GOT2: variants seen among roughly 807,000 people sequenced by gnomAD.
GOT2 encodes the protein glutamic-oxaloacetic transaminase 2.
A neutral mutation model predicts 50.0 loss-of-function variants in GOT2; 17 were observed. The observed-to-expected ratio is 0.34, with a 90% CI of 0.23 to 0.51. GOT2 has a LOEUF of 0.51. Among genes scored for constraint, GOT2 ranks in the 20% least tolerant of loss-of-function variants. GOT2 has a pLI of 0.97. For synonymous variants in GOT2, 172 were observed against 204.9 expected, an observed-to-expected ratio of 0.84 and a Z score of 1.37; for missense variants, 430 against 559.6, an observed-to-expected ratio of 0.77 and a Z score of 2.34.
At chr16:58,732,818 C>A (rs949345917) in intron 1 of GOT2, among the ~76,000 whole-genome samples, 1 of 152,220 alleles carries the variant, frequency 6.6e-6, no homozygotes, top group South Asian at 2.1e-4. Context: ...TTTCTCTTGA[C>A]GGAAATTTTA....
chr16:58,726,303 A>C (rs550322183), intron 1 of GOT2, among the ~76,000 whole-genome samples: 12 of 152,084 alleles, frequency 7.9e-5, no homozygotes, highest in African/African-American at 2.9e-4. Context: ...CTCCTGCCTC[A>C]GCCTCCCAAG....
At chr16:58,710,558 G>A (rs1435753119) in intron 8 of GOT2, among the ~76,000 whole-genome samples, 69 of 151,962 alleles carry the variant, frequency 4.5e-4, no homozygotes, top group Admixed American at 4.5e-3. Context: ...AGGCTTATTG[G>A]GATGTAACCC....
intron 6 of GOT2, among the ~76,000 whole-genome samples, chr16:58,717,835 C>A (rs1446558400): frequency 6.6e-6 from 1 of 152,180 alleles, no homozygotes; most frequent in Non-Finnish European, 1.5e-5. Flanking sequence ...GGATTACAGG[C>A]ATGGGCCACT....
Position 58,718,550 on chromosome 16 carries a change from T to G in GOT2, c.574A>C (p.Thr192Pro), listed in dbSNP as rs969224581. ...ACTGAAATATCCTCCACAGCGCCTG[T>G]GAAGTCAAAACCGCAAGTCTTGGGG... Reference protein sequence around the residue: ...YDPKTCGFDFTGAVEDISKIP... With the variant: ...YDPKTCGFDFPGAVEDISKIP... The change falls in exon 5 of 10, where the codon ACA becomes CCA. Residue 192 changes from threonine to proline, a missense_variant. By Grantham distance (38) the Thr-to-Pro change is conservative (BLOSUM62 -1). Transcript: ENST00000245206. 12 of 1,590,524 alleles carry G rather than the reference T, an allele frequency of 7.5e-6. No individual in the cohort carries two copies. The African/African-American group carries it at 1.6e-4, about 22-fold the overall frequency.
At position 58,733,076 on chromosome 16, in the gene GOT2, C is replaced by G. The variant is rs75236418; in HGVS notation, c.89+1064G>C. Among the ~76,000 whole-genome samples the G allele has an allele frequency of 8.3e-3, 1,261 of 152,326 alleles. 18 individuals are homozygous for G. The highest frequency in any genetic ancestry group is 0.029 in the African/African-American group (1,208 of 41,564). Reference sequence around the variant, plus strand: ...AAACGAAAGGCCAAGCTACGCTTTGCTCCTTGCAGTTAATACCTGCTTGGG... The same window carrying G: ...AAACGAAAGGCCAAGCTACGCTTTGGTCCTTGCAGTTAATACCTGCTTGGG... On this transcript the variant is annotated intron_variant, in intron 1 of 9. Coordinates refer to ENST00000245206, the MANE Select transcript of GOT2 (RefSeq NM_002080.4).
chr16:58,726,482 G>T (rs976594453), intron 1 of GOT2, among the ~76,000 whole-genome samples: 2 of 56,204 alleles, frequency 3.6e-5, no homozygotes, highest in African/African-American at 2.0e-4. Context: ...CCCCCGGCCT[G>T]CTTTATTTAT....
At chr16:58,715,993 G>A (rs1344945531) in intron 8 of GOT2, 21 bp downstream of exon 8, 2 of 1,590,296 alleles carry the variant, frequency 1.3e-6, no homozygotes, top group Non-Finnish European at 1.7e-6. Context: ...TAGGTGGCTG[G>A]GGAGTGGCAT....
chr16:58,723,795 G>C lies in GOT2; in HGVS notation c.197C>G (p.Ala66Gly). 1 of 1,612,400 alleles carries C rather than the reference G, an allele frequency of 6.2e-7. No homozygotes were observed. Among genetic ancestry groups the C allele is most frequent in the Non-Finnish European group, 8.5e-7 (1 of 1,178,498 alleles). Residue 66 changes from alanine to glycine, a missense_variant, in exon 2 of 10, where the codon GCC becomes GGC. Ala to Gly is a moderately conservative substitution (Grantham distance 60). Transcript: ENST00000245206. ...AGGCTTTCCATTATCATCCCGGTAG[G>C]CACCAACTCCCAGATTCATCTTTTT... ...NSKKMNLGVG[A>G]YRDDNGKPYV...
rs1364215331 is a variant in GOT2, at chr16:58,709,547, A to G, written c.1040T>C (p.Met347Thr). Residue 347 changes from methionine to threonine, a missense_variant, in exon 9 of 10, where the codon ATG (methionine) becomes ACG (threonine). By Grantham distance (81) the Met-to-Thr change is moderately conservative. Transcript: ENST00000245206. ...CCGCATGCCAATGATGCGGTCAGCC[A>G]TGACTTTCACTTCTTGCAGCCTGTA... ...RKQWLQEVKV[M>T]ADRIIGMRTQ... The G allele has an allele frequency of 6.2e-7, 1 of 1,611,602 alleles. No homozygotes were observed. Among genetic ancestry groups the G allele is most frequent in the Non-Finnish European group, 8.5e-7 (1 of 1,177,920 alleles).
intron 5 of GOT2, 106 bp downstream of exon 5, chr16:58,718,421 C>G: frequency 7.5e-7 from 1 of 1,338,184 alleles, no homozygotes; most frequent in Admixed American, 2.0e-5. Flanking sequence ...TGGGAATCAG[C>G]TCTTCCCCAG....
At chr16:58,714,266 G>A (rs1567486057) in intron 8 of GOT2, among the ~76,000 whole-genome samples, 1 of 151,858 alleles carries the variant, frequency 6.6e-6, no homozygotes, top group African/African-American at 2.4e-5. Flanking sequence ...ATATTGGAGT[G>A]GAGGCTGGGC....
intron 1 of GOT2, among the ~76,000 whole-genome samples, chr16:58,729,411 CAGCT>C (rs1567491274): frequency 1.3e-5 from 2 of 149,610 alleles, no homozygotes; most frequent in African/African-American, 5.0e-5. Context: ...CCTGTAGTCC[CAGCT>C]ACTCAGGAGG....
At chr16:58,723,951 C>T (rs1273542706) in intron 1 of GOT2, 49 bp from the exon 2 acceptor site, 1 of 1,525,446 alleles carries the variant, frequency 6.6e-7, no homozygotes, top group East Asian at 2.3e-5. Context: ...GATCCAAGAT[C>T]CATTTTACTT....
At chr16:58,720,838 G>C (rs79285779) in intron 3 of GOT2, among the ~76,000 whole-genome samples, 10,981 of 152,130 alleles carry the variant, frequency 0.072, 807 homozygotes, top group East Asian at 0.29. Context: ...CACCCGCCTT[G>C]GTCCCGGAAA....
chr16:58,719,102 A>G (rs918289520), intron 4 of GOT2, 94 bp downstream of exon 4: 1 of 907,628 alleles, frequency 1.1e-6, no homozygotes, highest in Non-Finnish European at 1.8e-6. Flanking sequence ...GAAAGAAGAA[A>G]TCTACTTCTG....
chr16:58,720,461 G>C (rs1013934170), intron 3 of GOT2, among the ~76,000 whole-genome samples: 1 of 152,080 alleles, frequency 6.6e-6, no homozygotes, highest in Non-Finnish European at 1.5e-5. Flanking sequence ...GTAGATTAAA[G>C]AGGGAAAAAC....
chr16:58,708,053 G>T lies in GOT2; in HGVS notation c.*118C>A. 1 of 975,158 alleles carries T rather than the reference G, an allele frequency of 1.0e-6. No homozygotes were observed. The highest frequency in any genetic ancestry group is 1.5e-6 in the Non-Finnish European group (1 of 648,724). The allele number at this position is 975,158 out of a possible 1,614,324, so 60.4% of individuals were successfully genotyped here. A position where few individuals can be genotyped will look rare whatever the true frequency, so the allele number is the denominator to read the frequency against. On this transcript the variant is annotated 3_prime_UTR_variant, in exon 10 of 10. Coordinates refer to ENST00000245206, the MANE Select transcript of GOT2 (RefSeq NM_002080.4). ...ATTCAAATGCTGAGTGTTACACACT[G>T]TGGCTGAAAGAAATGATCCACTCAC...
chr16:58,716,203 T>G (rs1567486901), intron 7 of GOT2, 24 bp from the exon 8 acceptor site: 3 of 1,606,078 alleles, frequency 1.9e-6, no homozygotes, highest in East Asian at 4.5e-5. Flanking sequence ...ATGGATCTCG[T>G]CTTCTACTTC....
intron 2 of GOT2, 100 bp from the exon 3 acceptor site, chr16:58,722,378 C>CTTT: frequency 2.7e-6 from 3 of 1,098,388 alleles, no homozygotes; most frequent in Non-Finnish European, 3.8e-6. Flanking sequence ...GAGGTAAAGT[C>CTTT]TTTTTTTTTT....
Sources: gnomAD v4.1 joint callset for allele counts (sites outside exome capture counted in the v4.1 genomes callset) on GRCh38, gnomAD v4.1.1 for gene constraint, MANE v1.5 for transcripts, NCBI Gene and HGNC (gene_info 2026-07-23, HGNC 2026-07-21) for gene names.